POLR3H: variants seen among roughly 807,000 people sequenced by gnomAD.
POLR3H encodes the protein RNA polymerase III subunit H.
Under a neutral mutation model 25.5 loss-of-function variants are expected in POLR3H, and 17 were observed. The observed-to-expected ratio is 0.67, with a 90% CI of 0.46 to 1.00. POLR3H has a LOEUF of 1.00. Among genes scored for constraint, POLR3H ranks in the 50% least tolerant of loss-of-function variants. The pLI, the probability that POLR3H is intolerant of heterozygous loss-of-function variation, is 0.00. For synonymous variants in POLR3H, 129 were observed against 103.0 expected (o/e 1.25, Z -1.53); for missense variants, 274 against 265.0 (o/e 1.03, Z -0.24).
intron 2 of POLR3H, among the ~76,000 whole-genome samples, chr22:41,536,247 T>A (rs1166962303): frequency 6.6e-6 from 1 of 151,038 alleles, no homozygotes; most frequent in Non-Finnish European, 1.5e-5. Context: ...AAAAAAAAAT[T>A]AGCCGGGCGT....
At chr22:41,529,589 C>T in intron 5 of POLR3H, 1 of 698,686 alleles carries the variant, frequency 1.4e-6, no homozygotes, top group East Asian at 2.7e-5. Flanking sequence ...CTTAGGCCTG[C>T]CCTCCAGGGC....
At chr22:41,543,400 G>A (rs894419410) in intron 1 of POLR3H, among the ~76,000 whole-genome samples, 1 of 152,032 alleles carries the variant, frequency 6.6e-6, no homozygotes, top group Non-Finnish European at 1.5e-5. Context: ...GGCCGAGGCG[G>A]GGGGATCAAG....
chr22:41,535,711 C>A (rs577332295), intron 2 of POLR3H, among the ~76,000 whole-genome samples: 1 of 152,290 alleles, frequency 6.6e-6, no homozygotes, highest in East Asian at 1.9e-4. Flanking sequence ...CTGTGGCTCA[C>A]GCCTGTAATC....
chr22:41,542,731 G>A (rs1447642710), intron 1 of POLR3H, among the ~76,000 whole-genome samples: 4 of 152,132 alleles, frequency 2.6e-5, no homozygotes, highest in African/African-American at 4.8e-5. Context: ...GGCCGGGCAC[G>A]GTGGCTCACA....
rs370587183 is a variant in POLR3H at position 41,532,217 on chromosome 22, G to A, written c.296-60C>T. 2.5e-4 allele frequency: 377 copies of A among 1,531,918 alleles called. 9 individuals are homozygous for A. Among genetic ancestry groups the A allele is most frequent in the Middle Eastern group, 1.9e-3 (11 of 5,862 alleles). The allele number at this position is 1,531,918 out of a possible 1,614,324, so 94.9% of individuals were successfully genotyped here. A position where few individuals can be genotyped will look rare whatever the true frequency, so the allele number is the denominator to read the frequency against. On this transcript the variant is annotated intron_variant, in intron 3 of 5. Transcript: ENST00000355209. The stretch of plus-strand genomic sequence containing the variant: ...GGGGTCCCAGTGGACGCCAAACACT[G>A]CGGGGTCTTATGCTTGACAGGCAAG...
chr22:41,528,262 G>A lies in POLR3H; in HGVS notation c.*1021C>T. 2.4e-6 allele frequency: 2 copies of A among 846,194 alleles called. No homozygotes were observed. The highest frequency in any genetic ancestry group is 3.6e-5 in the South Asian group (2 of 55,854). 52.4% of individuals were successfully genotyped at this position (846,194 alleles called of 1,614,324 possible). ...TACTCACCAGGACCTGGCACTCAGG[G>A]GACAGCCCACCCACTGCAGGACCCT... is the stretch of plus-strand genomic sequence containing the variant. On this transcript the variant is annotated 3_prime_UTR_variant, in exon 6 of 6. Coordinates refer to ENST00000355209, the MANE Select transcript of POLR3H (RefSeq NM_001018050.4).
intron 1 of POLR3H, 80 bp from the exon 2 acceptor site, chr22:41,540,875 C>T (rs2066918444): frequency 9.8e-7 from 1 of 1,022,194 alleles, no homozygotes; most frequent in Non-Finnish European, 1.5e-6. Flanking sequence ...CAATCTGAGC[C>T]CCTCACAACC....
At chr22:41,537,960 G>C (rs907105030) in intron 2 of POLR3H, among the ~76,000 whole-genome samples, 1 of 149,938 alleles carries the variant, frequency 6.7e-6, no homozygotes, top group Non-Finnish European at 1.5e-5. Context: ...CACCAGACCT[G>C]GCTAATTTTT....
chr22:41,540,058 G>C (rs2066905196), intron 2 of POLR3H: 1 of 172,918 alleles, frequency 5.8e-6, no homozygotes, highest in South Asian at 1.3e-4. Flanking sequence ...AGATAAGGAA[G>C]CAGAGGCACA....
chr22:41,543,979 TG>T lies in POLR3H; in HGVS notation c.111+11del. ...CACGCCAAGGCCTGCCCGCGAGCCGTGGGCCCAGTACCTTGTTGGCCAACTT... is the reference window on the plus strand; with the variant it reads ...CACGCCAAGGCCTGCCCGCGAGCCGTGGCCCAGTACCTTGTTGGCCAACTT... On this transcript the variant is annotated intron_variant, in intron 1 of 5. Coordinates refer to ENST00000355209, the MANE Select transcript of POLR3H (RefSeq NM_001018050.4). 6.3e-7 allele frequency: 1 copy of T among 1,596,098 alleles called. No homozygotes were observed. The highest frequency in any genetic ancestry group is 8.6e-7 in the Non-Finnish European group (1 of 1,163,954).
rs532098511 is a variant in POLR3H, at chr22:41,525,878, G to A, written c.*3405C>T. On this transcript the variant is annotated 3_prime_UTR_variant, in exon 6 of 6. Coordinates refer to ENST00000355209, the MANE Select transcript of POLR3H (RefSeq NM_001018050.4). ...TATTAAGGGGTCTCCAGGCACCCCT[G>A]TGACAGAAGAGACTAATCAGTCATC... The A allele has an allele frequency of 9.9e-5, 21 of 211,762 alleles. No individual in the cohort carries two copies. The highest frequency in any genetic ancestry group is 2.0e-4 in the Non-Finnish European group (21 of 106,560). The allele number at this position is 211,762 out of a possible 1,614,324, so 13.1% of individuals were successfully genotyped here. A position where few individuals can be genotyped will look rare whatever the true frequency, so the allele number is the denominator to read the frequency against.
chr22:41,535,464 T>C (rs977471409), intron 2 of POLR3H, among the ~76,000 whole-genome samples: 1 of 151,978 alleles, frequency 6.6e-6, no homozygotes, highest in African/African-American at 2.4e-5. Context: ...CACCTGGAGG[T>C]CTAGGGATGT....
intron 3 of POLR3H, chr22:41,532,454 C>T: frequency 1.1e-6 from 1 of 926,068 alleles, no homozygotes; most frequent in Non-Finnish European, 1.6e-6. Flanking sequence ...CCCTGAAGTC[C>T]TGAGTGACGG....
chr22:41,535,955 G>A (rs1178441301), intron 2 of POLR3H, among the ~76,000 whole-genome samples: 2 of 151,816 alleles, frequency 1.3e-5, no homozygotes, highest in East Asian at 3.9e-4. Flanking sequence ...GGGCGACAGA[G>A]TAAAACTCTT....
Position 41,528,705 on chromosome 22 carries a change from C to G in POLR3H, c.*578G>C. ...ATCCGTCCAGCCATGGCTTCCTATTCCAAGATGGTGTGACCAGACATGCTT... is the reference window on the plus strand; with the variant it reads ...ATCCGTCCAGCCATGGCTTCCTATTGCAAGATGGTGTGACCAGACATGCTT... On this transcript the variant is annotated 3_prime_UTR_variant, in exon 6 of 6. Transcript: ENST00000355209. The G allele has an allele frequency of 6.6e-7, 1 of 1,513,414 alleles. No individual in the cohort carries two copies. 93.7% of individuals were successfully genotyped at this position (1,513,414 alleles called of 1,614,324 possible). A position where few individuals can be genotyped will look rare whatever the true frequency, so the allele number is the denominator to read the frequency against.
Position 41,540,784 on chromosome 22 carries a change from G to C in POLR3H, c.123C>G (p.Asn41Lys). The change falls in exon 2 of 6, where the codon AAC becomes AAG. Residue 41 changes from asparagine to lysine, a missense_variant. Coordinates refer to ENST00000355209, the MANE Select transcript of POLR3H (RefSeq NM_001018050.4). ...NKKLANKVVY[N>K]VGLCICLFDI... ...CAAACAGACAAATGCAGAGTCCCACGTTGTACACGACCTGCATGCATACAA... is the reference window on the plus strand; with the variant it reads ...CAAACAGACAAATGCAGAGTCCCACCTTGTACACGACCTGCATGCATACAA... The C allele has an allele frequency of 6.2e-7, 1 of 1,613,494 alleles. No homozygotes were observed. Among genetic ancestry groups the C allele is most frequent in the Non-Finnish European group, 8.5e-7 (1 of 1,179,480 alleles).
intron 1 of POLR3H, 41 bp from the exon 2 acceptor site, chr22:41,540,836 AC>A (rs2066917675): frequency 6.7e-7 from 1 of 1,495,568 alleles, no homozygotes; most frequent in South Asian, 1.1e-5. Flanking sequence ...ACACATGGAT[AC>A]AGAGTGACCA....
Position 41,527,068 on chromosome 22 carries a change from A to G in POLR3H, c.*2215T>C, listed in dbSNP as rs2146148123. The G allele has an allele frequency of 1.6e-6, 1 of 639,504 alleles. No individual in the cohort carries two copies. Among genetic ancestry groups the G allele is most frequent in the Non-Finnish European group, 2.7e-6 (1 of 376,398 alleles). 39.6% of individuals were successfully genotyped at this position (639,504 alleles called of 1,614,324 possible). ...GGCTTCTGTCTTCTTTGCCACTGCA[A>G]ACAACCACGTGCCTCTGTCCCCTCG... is the stretch of plus-strand genomic sequence containing the variant. On this transcript the variant is annotated 3_prime_UTR_variant, in exon 6 of 6. Coordinates refer to ENST00000355209, the MANE Select transcript of POLR3H (RefSeq NM_001018050.4).
intron 5 of POLR3H, 135 bp from the exon 6 acceptor site, chr22:41,529,471 A>T (rs1463541359): frequency 2.7e-6 from 2 of 752,874 alleles, no homozygotes; most frequent in Non-Finnish European, 4.5e-6. Context: ...GAGGCTCTGG[A>T]GAGATGTGGG....
Sources: allele counts gnomAD v4.1 joint callset (sites outside exome capture counted in the v4.1 genomes callset), GRCh38; gene constraint gnomAD v4.1.1; transcripts MANE v1.5; gene names NCBI Gene and HGNC (gene_info 2026-07-23, HGNC 2026-07-21).